SMOC1: variants seen among roughly 807,000 people sequenced by gnomAD.
SMOC1 encodes SPARC-related modular calcium-binding protein 1.
A neutral mutation model predicts 56.3 loss-of-function variants in SMOC1; 22 were observed. That is an observed-to-expected ratio of 0.39 (90% CI 0.28 to 0.56). The LOEUF (loss-of-function observed/expected upper bound fraction) is 0.56, where lower values mean the gene tolerates loss of function less well. Among genes scored for constraint, SMOC1 ranks in the 20% least tolerant of loss-of-function variants. The probability of loss-of-function intolerance (pLI) is 0.61; values close to 1 mark genes in which losing one functional copy is unlikely to be tolerated. For synonymous variants in SMOC1, 193 were observed against 215.0 expected (o/e 0.90, Z 0.89); for missense variants, 509 against 565.4 (o/e 0.90, Z 1.01).
chr14:69,910,642 C>G (rs1007817486), intron 1 of SMOC1, among the ~76,000 whole-genome samples: 13 of 151,638 alleles, frequency 8.6e-5, no homozygotes, highest in African/African-American at 2.4e-4. Context: ...TTGCAATAAG[C>G]CTTGGATACT....
intron 5 of SMOC1, among the ~76,000 whole-genome samples, chr14:69,980,422 A>G (rs1183463373): frequency 2.6e-5 from 4 of 152,058 alleles, no homozygotes; most frequent in African/African-American, 9.7e-5. Context: ...GGAGTCTTAA[A>G]TCCTATTTAG....
chr14:70,020,580 A>T (rs943589135), intron 10 of SMOC1, among the ~76,000 whole-genome samples: 2 of 152,098 alleles, frequency 1.3e-5, no homozygotes, highest in Non-Finnish European at 2.9e-5. Context: ...CACTACCTGG[A>T]GGGGCTCAGA....
In SMOC1 at chr14:69,981,656, A is replaced by G. The variant is rs181117268; in HGVS notation, c.526+3691A>G. Among the ~76,000 whole-genome samples, 266 of 152,316 alleles carry G rather than the reference A, an allele frequency of 1.7e-3. 1 individual carries two copies. Among genetic ancestry groups the G allele is most frequent in the Non-Finnish European group, 1.4e-3 (93 of 68,018 alleles). On this transcript the variant is annotated intron_variant, in intron 5 of 11. Transcript: ENST00000361956. ...TTTAGCTCTGAAAATGCACTGCTAAAACAGTTGAAGGCTGAAGAAGTAGAG... is the reference window on the plus strand; with the variant it reads ...TTTAGCTCTGAAAATGCACTGCTAAGACAGTTGAAGGCTGAAGAAGTAGAG...
At chr14:69,908,557 A>G (rs945068593) in intron 1 of SMOC1, among the ~76,000 whole-genome samples, 3 of 152,154 alleles carry the variant, frequency 2.0e-5, no homozygotes, top group Non-Finnish European at 4.4e-5. Flanking sequence ...TTAGACGAAG[A>G]ATAGGAAAGA....
At chr14:69,970,129 A>G (rs577927227) in intron 3 of SMOC1, among the ~76,000 whole-genome samples, 11 of 152,244 alleles carry the variant, frequency 7.2e-5, no homozygotes, top group South Asian at 2.1e-4. Flanking sequence ...GGAGGCGCCA[A>G]TGCTACTCCA....
chr14:69,900,557 T>G (rs984216673), intron 1 of SMOC1, among the ~76,000 whole-genome samples: 1 of 152,210 alleles, frequency 6.6e-6, no homozygotes. Flanking sequence ...CTTATTCTGA[T>G]GACAAAGACA....
chr14:69,956,597 A>AT (rs1883196474), intron 3 of SMOC1, among the ~76,000 whole-genome samples: 1 of 152,046 alleles, frequency 6.6e-6, no homozygotes, highest in African/African-American at 2.4e-5. Flanking sequence ...CTTGAAGTTT[A>AT]TGGGGGGAGT....
intron 1 of SMOC1, among the ~76,000 whole-genome samples, chr14:69,889,417 T>TCAC (rs1883900542): frequency 6.6e-6 from 1 of 152,312 alleles, no homozygotes; most frequent in East Asian, 1.9e-4. Context: ...ATGGCATGTG[T>TCAC]CACCATCTTC....
At chr14:69,942,611 G>A (rs940622786) in intron 1 of SMOC1, among the ~76,000 whole-genome samples, 2 of 152,008 alleles carry the variant, frequency 1.3e-5, no homozygotes, top group Non-Finnish European at 2.9e-5. Flanking sequence ...TCCAATTTCT[G>A]TCACTTTGGT....
chr14:69,931,027 G>C (rs377179873), intron 1 of SMOC1, among the ~76,000 whole-genome samples: 1 of 152,086 alleles, frequency 6.6e-6, no homozygotes, highest in East Asian at 1.9e-4. Context: ...CCTTCACTCT[G>C]TTCTGCCCTC....
intron 7 of SMOC1, among the ~76,000 whole-genome samples, chr14:70,003,692 T>C (rs1885050655): frequency 6.6e-6 from 1 of 152,138 alleles, no homozygotes; most frequent in East Asian, 1.9e-4. Flanking sequence ...TTGCATCCAG[T>C]GAAGTCAGGG....
chr14:70,013,617 C>T lies in SMOC1; in HGVS notation c.1046+126C>T, dbSNP rs558892900. 1,802 of 819,918 alleles carry T rather than the reference C, an allele frequency of 2.2e-3. 2 individuals carry two copies. The highest frequency in any genetic ancestry group is 2.1e-3 in the Non-Finnish European group (1,000 of 485,416). 50.8% of individuals were successfully genotyped at this position (819,918 alleles called of 1,614,324 possible). A position where few individuals can be genotyped will look rare whatever the true frequency, so the allele number is the denominator to read the frequency against. On this transcript the variant is annotated intron_variant, in intron 10 of 11. Coordinates refer to ENST00000361956, the MANE Select transcript of SMOC1 (RefSeq NM_001034852.3). ...GCAAGGGCTGGAAGTTGATCTTTTTCCTGAAACCATGTACCCATAGCTTTG... is the reference window on the plus strand; with the variant it reads ...GCAAGGGCTGGAAGTTGATCTTTTTTCTGAAACCATGTACCCATAGCTTTG...
At chr14:69,996,543 G>T (rs1035209276) in intron 7 of SMOC1, among the ~76,000 whole-genome samples, 3 of 152,244 alleles carry the variant, frequency 2.0e-5, no homozygotes, top group Non-Finnish European at 4.4e-5. Flanking sequence ...AAGTTCTTCT[G>T]CTTTCATTCC....
chr14:69,952,444 C>G (rs949727064), intron 2 of SMOC1, 141 bp downstream of exon 2: 11 of 974,400 alleles, frequency 1.1e-5, no homozygotes, highest in Non-Finnish European at 1.7e-5. Context: ...TCCACCAGGG[C>G]CAAGGGAAGA....
intron 11 of SMOC1, 111 bp downstream of exon 11, chr14:70,023,558 A>C (rs150536037): frequency 1.2e-5 from 17 of 1,475,348 alleles, no homozygotes; most frequent in East Asian, 2.3e-5. Flanking sequence ...TTCATCAATT[A>C]TTTGCTGGAA....
intron 1 of SMOC1, among the ~76,000 whole-genome samples, chr14:69,941,117 C>T (rs979234695): frequency 5.3e-5 from 8 of 152,166 alleles, no homozygotes; most frequent in Non-Finnish European, 7.3e-5. Context: ...TTCTTTCTCA[C>T]GAGGATGCAT....
At chr14:69,985,365 A>G (rs927183798) in intron 5 of SMOC1, among the ~76,000 whole-genome samples, 2 of 152,206 alleles carry the variant, frequency 1.3e-5, no homozygotes, top group Admixed American at 6.5e-5. Context: ...ACATACATAT[A>G]CCATATAATC....
chr14:69,985,694 CTT>C (rs1384218893), intron 5 of SMOC1, among the ~76,000 whole-genome samples: 8 of 152,214 alleles, frequency 5.3e-5, no homozygotes, highest in African/African-American at 1.9e-4. Flanking sequence ...TGAATCATGA[CTT>C]TGTCCAGCAT....
intron 1 of SMOC1, among the ~76,000 whole-genome samples, chr14:69,904,625 A>T (rs989407230): frequency 6.6e-6 from 1 of 152,232 alleles, no homozygotes. Context: ...GTGAAGCATC[A>T]GCTACTTGAG....
Sources: gnomAD v4.1 joint callset for allele counts (sites outside exome capture counted in the v4.1 genomes callset) on GRCh38, gnomAD v4.1.1 for gene constraint, MANE v1.5 for transcripts, NCBI Gene and HGNC (gene_info 2026-07-23, HGNC 2026-07-21) for gene names.